Variants in ROBO2 observed in about 807,000 individuals in gnomAD.
ROBO2 encodes roundabout guidance receptor 2, also known as roundabout homolog 2.
ROBO2 carries 53 observed loss-of-function variants against 160.8 expected under a neutral mutation model. The ratio of observed to expected loss-of-function variants is 0.33; its 90% CI spans 0.26 to 0.41. The LOEUF (loss-of-function observed/expected upper bound fraction) is 0.41, where lower values mean the gene tolerates loss of function less well. Among genes scored for constraint, ROBO2 ranks in the 10% least tolerant of loss-of-function variants. The pLI is 1.00. For synonymous variants in ROBO2, 664 were observed against 611.7 expected (o/e 1.09, Z -1.26); for missense variants, 1,577 against 1,722.4 (o/e 0.92, Z 1.49).
At chr3:76,992,853 T>C (rs574043404) in intron 2 of ROBO2, among the ~76,000 whole-genome samples, 96 of 152,252 alleles carry the variant, frequency 6.3e-4, no homozygotes, top group Non-Finnish European at 1.1e-3. Context: ...AGTCTCACTC[T>C]GTCATCCAGG....
At chr3:77,558,882 G>T (rs1402852117) in intron 9 of ROBO2, among the ~76,000 whole-genome samples, 2 of 152,132 alleles carry the variant, frequency 1.3e-5, no homozygotes, top group African/African-American at 4.8e-5. Flanking sequence ...TGTGAGTTAG[G>T]AGCCTAGGCA....
At chr3:76,843,036 T>C (rs2068442247) in intron 2 of ROBO2, among the ~76,000 whole-genome samples, 1 of 152,088 alleles carries the variant, frequency 6.6e-6, no homozygotes, top group Admixed American at 6.5e-5. Flanking sequence ...CAAATGTTGT[T>C]TGTTAATAAT....
chr3:77,011,593 G>C (rs2061925416), intron 2 of ROBO2, among the ~76,000 whole-genome samples: 1 of 151,852 alleles, frequency 6.6e-6, no homozygotes, highest in South Asian at 2.1e-4. Flanking sequence ...CAACCAGATT[G>C]ATCCTAGTTG....
intron 2 of ROBO2, among the ~76,000 whole-genome samples, chr3:76,116,400 A>G (rs2070472885): frequency 6.6e-6 from 1 of 152,162 alleles, no homozygotes; most frequent in Non-Finnish European, 1.5e-5. Flanking sequence ...TAACTGTTCT[A>G]GTCACCCTGC....
intron 2 of ROBO2, among the ~76,000 whole-genome samples, chr3:76,163,639 C>G (rs1014657732): frequency 2.0e-5 from 3 of 150,974 alleles, no homozygotes; most frequent in Non-Finnish European, 4.4e-5. Flanking sequence ...TGCAATAAAG[C>G]GAATCACAAG....
At position 76,932,593 on chromosome 3, in the gene ROBO2, G is replaced by A. The variant is rs1187502359; in HGVS notation, c.110-165421G>A. Among the ~76,000 whole-genome samples, 4 of 152,108 alleles carry A rather than the reference G, an allele frequency of 2.6e-5. No homozygotes were observed. In the East Asian group the frequency reaches 5.8e-4, roughly 22 times the overall value. ...AAAGGACCCCTTATTCTGGACTGTG[G>A]CACAAAAGTACATCCAGGTAAAACA... On this transcript the variant is annotated intron_variant, in intron 2 of 26. Transcript: ENST00000487694.
intron 11 of ROBO2, 119 bp from the exon 13 acceptor site, chr3:77,564,835 G>T: frequency 1.2e-6 from 1 of 838,050 alleles, no homozygotes. Flanking sequence ...TACTTCAAGT[G>T]TTGTGTGTGT....
chr3:76,338,294 G>T (rs979810160), intron 2 of ROBO2, among the ~76,000 whole-genome samples: 1 of 152,010 alleles, frequency 6.6e-6, no homozygotes, highest in Non-Finnish European at 1.5e-5. Flanking sequence ...CTGCAATAAG[G>T]TACGTTGAAG....
intron 1 of ROBO2, among the ~76,000 whole-genome samples, chr3:77,085,403 G>T (rs2069174742): frequency 6.6e-6 from 1 of 151,930 alleles, no homozygotes; most frequent in African/African-American, 2.4e-5. Context: ...TCTTTTTCAA[G>T]CTATTTTATG....
At chr3:77,212,199 A>G (rs1197344072) in intron 2 of ROBO2, among the ~76,000 whole-genome samples, 6 of 152,094 alleles carry the variant, frequency 3.9e-5, no homozygotes, top group Non-Finnish European at 8.8e-5. Context: ...GATTCTTCCT[A>G]CCCATGAGCA....
chr3:75,970,627 C>A (rs2107354216), intron 2 of ROBO2, among the ~76,000 whole-genome samples: 1 of 151,688 alleles, frequency 6.6e-6, no homozygotes, highest in African/African-American at 2.4e-5. Context: ...GTTTATGTTA[C>A]ATTACAAGAC....
At chr3:75,979,907 CTG>C (rs2107438556) in intron 2 of ROBO2, among the ~76,000 whole-genome samples, 1 of 151,622 alleles carries the variant, frequency 6.6e-6, no homozygotes, top group Admixed American at 6.6e-5. Flanking sequence ...TTTTCTCACA[CTG>C]TTTTTTCAAG....
chr3:76,335,178 G>GTTTTT lies in ROBO2; in HGVS notation c.109+397595_109+397599dup, dbSNP rs34963831. On this transcript the variant is annotated intron_variant, in intron 2 of 26. Transcript: ENST00000487694. ...CACCACATCCAAACTTTTCTGTTTT[G>GTTTTT]TTTTTTTTTTTTTTTTTTTTTTTGA... 8.1e-3 allele frequency among the ~76,000 whole-genome samples: 629 copies of GTTTTT among 77,766 alleles called. 1 individual carries two copies. Among genetic ancestry groups the GTTTTT allele is most frequent in the Middle Eastern group, 0.012 (1 of 82 alleles). The allele number at this position is 77,766 out of a possible 152,430, so 51.0% of individuals were successfully genotyped here. A position where few individuals can be genotyped will look rare whatever the true frequency, so the allele number is the denominator to read the frequency against.
intron 2 of ROBO2, among the ~76,000 whole-genome samples, chr3:77,433,182 T>C (rs767390349): frequency 4.6e-5 from 7 of 151,980 alleles, no homozygotes; most frequent in Non-Finnish European, 8.8e-5. Context: ...CATGAGTTGA[T>C]TTTTCAAAGG....
At chr3:77,012,997 T>G (rs2149472181) in intron 2 of ROBO2, among the ~76,000 whole-genome samples, 1 of 152,338 alleles carries the variant, frequency 6.6e-6, no homozygotes, top group East Asian at 1.9e-4. Flanking sequence ...AGAAGTGTTT[T>G]AATTTTGATC....
intron 2 of ROBO2, among the ~76,000 whole-genome samples, chr3:76,709,433 T>A (rs2093241938): frequency 6.6e-6 from 1 of 152,200 alleles, no homozygotes; most frequent in Non-Finnish European, 1.5e-5. Flanking sequence ...GTTCATCTCC[T>A]TTCATCAGGG....
intron 1 of ROBO2, among the ~76,000 whole-genome samples, chr3:77,097,419 C>T (rs1215478207): frequency 1.3e-5 from 2 of 152,028 alleles, no homozygotes; most frequent in Admixed American, 6.6e-5. Flanking sequence ...TTTTAACATA[C>T]GGATTTATAC....
At chr3:75,974,539 T>A (rs1035272544) in intron 2 of ROBO2, among the ~76,000 whole-genome samples, 5 of 151,632 alleles carry the variant, frequency 3.3e-5, no homozygotes, top group Non-Finnish European at 7.4e-5. Context: ...TCTGTCAAAG[T>A]ACTGTTGGTA....
intron 2 of ROBO2, among the ~76,000 whole-genome samples, chr3:76,814,538 G>C (rs1200610032): frequency 6.6e-6 from 1 of 152,016 alleles, no homozygotes; most frequent in East Asian, 1.9e-4. Flanking sequence ...AACGTGGTTT[G>C]TGCAAAATTA....
Sources: gnomAD v4.1 joint callset for allele counts (sites outside exome capture counted in the v4.1 genomes callset) on GRCh38, gnomAD v4.1.1 for gene constraint, MANE v1.5 for transcripts, NCBI Gene and HGNC (gene_info 2026-07-23, HGNC 2026-07-21) for gene names.